The following CSNK1A1 variants were observed in gnomAD, a reference collection of about 807,000 sequenced individuals.
CSNK1A1 encodes the protein casein kinase 1 alpha 1.
In CSNK1A1, 7 loss-of-function variants were observed where a neutral mutation model predicts 46.1. The ratio of observed to expected loss-of-function variants is 0.15; its 90% CI spans 0.09 to 0.29. The LOEUF (loss-of-function observed/expected upper bound fraction) is 0.29. Among genes scored for constraint, CSNK1A1 ranks in the 10% least tolerant of loss-of-function variants. CSNK1A1 has a pLI of 1.00. For synonymous variants in CSNK1A1, 137 were observed against 141.5 expected (o/e 0.97, Z 0.23); for missense variants, 96 against 417.1 (o/e 0.23, Z 6.71).
chr5:149,544,360 T>C (rs1011440946), intron 2 of CSNK1A1, among the ~76,000 whole-genome samples: 7 of 152,074 alleles, frequency 4.6e-5, no homozygotes, highest in Non-Finnish European at 8.8e-5. Context: ...AATTTTTCGG[T>C]ATGTCATAGT....
chr5:149,501,455 C>G (rs529255751), intron 9 of CSNK1A1: 1 of 985,262 alleles, frequency 1.0e-6, no homozygotes, highest in African/African-American at 1.7e-5. Context: ...CAGAAAAAGT[C>G]AAACTAGACA....
At chr5:149,531,474 C>T (rs772533964) in intron 2 of CSNK1A1, among the ~76,000 whole-genome samples, 14 of 151,162 alleles carry the variant, frequency 9.3e-5, no homozygotes, top group South Asian at 2.1e-4. Context: ...GCCGAGATCA[C>T]GCTATTGCAC....
At chr5:149,549,829 T>C (rs1332389599) in intron 2 of CSNK1A1, among the ~76,000 whole-genome samples, 1 of 152,060 alleles carries the variant, frequency 6.6e-6, no homozygotes, top group Non-Finnish European at 1.5e-5. Context: ...TAACTGCAAA[T>C]GAAAGCCTCG....
chr5:149,509,144 G>A (rs1418683687), intron 7 of CSNK1A1, among the ~76,000 whole-genome samples: 1 of 151,952 alleles, frequency 6.6e-6, no homozygotes, highest in Non-Finnish European at 1.5e-5. Flanking sequence ...AGACTGGTCT[G>A]GAACTCCCGG....
At chr5:149,509,401 G>A (rs1412495838) in intron 7 of CSNK1A1, among the ~76,000 whole-genome samples, 4 of 152,180 alleles carry the variant, frequency 2.6e-5, no homozygotes, top group Non-Finnish European at 4.4e-5. Context: ...ATTTGAGACA[G>A]AGTCTTACTC....
chr5:149,517,692 T>G lies in CSNK1A1; in HGVS notation c.456+2598A>C. Reference sequence around the variant, plus strand: ...AAGAGGTGCTTGAGCAAGATCTACATTCTCCAGAATTAAAACAAAACAAAA... The same window carrying G: ...AAGAGGTGCTTGAGCAAGATCTACAGTCTCCAGAATTAAAACAAAACAAAA... On this transcript the variant is annotated intron_variant, in intron 4 of 9. Transcript: ENST00000377843. This position sits in a 1 kb window ranked among gnomAD's most constrained non-coding sequence, Gnocchi z 4.4. The G allele has an allele frequency of 1.3e-6, 1 of 745,754 alleles. No homozygotes were observed. The highest frequency in any genetic ancestry group is 2.7e-5 in the East Asian group (1 of 36,616). 46.2% of individuals were successfully genotyped at this position (745,754 alleles called of 1,614,324 possible).
rs1256533679 is a variant in CSNK1A1 at position 149,549,627 on chromosome 5, T to C, written c.230+448A>G. The C allele has an allele frequency of 1.2e-5, 8 of 661,502 alleles. No individual in the cohort carries two copies. In the Admixed American group the frequency reaches 1.7e-4, roughly 14 times the overall value. The allele number at this position is 661,502 out of a possible 1,614,324, so 41.0% of individuals were successfully genotyped here. On this transcript the variant is annotated intron_variant, in intron 2 of 9. Transcript: ENST00000377843. ...TTCTAAGCGGAGGAGGAAGACATGT[T>C]GGAACAAAAACACAACAAAAGAGCA...
chr5:149,497,081 G>A (rs1309456284), intron 9 of CSNK1A1: 1 of 1,335,154 alleles, frequency 7.5e-7, no homozygotes, highest in South Asian at 2.0e-5. Flanking sequence ...GGAAGGAGTG[G>A]TACAGTGAAT....
At chr5:149,528,304 G>T (rs572279503) in intron 2 of CSNK1A1, among the ~76,000 whole-genome samples, 1 of 152,300 alleles carries the variant, frequency 6.6e-6, no homozygotes, top group South Asian at 2.1e-4. Flanking sequence ...TTTACCTTGT[G>T]GAGCAACCAT....
chr5:149,511,658 A>G (rs562054554), intron 6 of CSNK1A1, 136 bp downstream of exon 6: 1 of 639,118 alleles, frequency 1.6e-6, no homozygotes, highest in African/African-American at 1.9e-5. Flanking sequence ...TAAAAGGTAA[A>G]AAGTAAATTA....
intron 4 of CSNK1A1, among the ~76,000 whole-genome samples, chr5:149,519,713 C>T (rs1450557190): frequency 1.3e-5 from 2 of 152,120 alleles, no homozygotes; most frequent in Non-Finnish European, 2.9e-5. Context: ...GGAGAACTCA[C>T]CCAATTTGGC....
intron 9 of CSNK1A1, chr5:149,502,769 C>A: frequency 1.0e-6 from 1 of 968,144 alleles, no homozygotes; most frequent in Non-Finnish European, 1.2e-6. Flanking sequence ...TGTATGAGTT[C>A]CTTTTTTTTT....
intron 3 of CSNK1A1, among the ~76,000 whole-genome samples, chr5:149,521,297 G>T: frequency 6.9e-6 from 1 of 145,938 alleles, no homozygotes. Flanking sequence ...TTTGAGACAG[G>T]GTCTCACTGT....
intron 4 of CSNK1A1, among the ~76,000 whole-genome samples, chr5:149,513,899 T>TA (rs34713303): frequency 0.28 from 40,387 of 142,112 alleles, 6,105 homozygotes; most frequent in East Asian, 0.62. Flanking sequence ...AACTCTTTCT[T>TA]AAAAAAAAAA....
chr5:149,528,291 CAT>C (rs1234808877), intron 2 of CSNK1A1, among the ~76,000 whole-genome samples: 1 of 152,166 alleles, frequency 6.6e-6, no homozygotes, highest in African/African-American at 2.4e-5. Flanking sequence ...GTCTCAAAGG[CAT>C]TTTACCTTGT....
At chr5:149,530,739 G>A (rs543343111) in intron 2 of CSNK1A1, among the ~76,000 whole-genome samples, 221 of 152,152 alleles carry the variant, frequency 1.5e-3, no homozygotes, top group Middle Eastern at 0.01. Flanking sequence ...AAGCCGAGGC[G>A]GGCGGATCAT....
intron 3 of CSNK1A1, 118 bp downstream of exon 3, chr5:149,524,927 C>T: frequency 1.2e-6 from 1 of 832,420 alleles, no homozygotes. Context: ...TATTTTTTTT[C>T]TGCCTATGCT....
chr5:149,505,423 G>A, intron 9 of CSNK1A1, 24 bp downstream of exon 9: 2 of 1,596,148 alleles, frequency 1.3e-6, no homozygotes, highest in Non-Finnish European at 1.7e-6. Context: ...TCCCTGTAAC[G>A]TCACTTGGTT....
At chr5:149,507,628 A>G (rs1201689140) in intron 7 of CSNK1A1, among the ~76,000 whole-genome samples, 3 of 151,840 alleles carry the variant, frequency 2.0e-5, no homozygotes, top group Non-Finnish European at 4.4e-5. Flanking sequence ...CGCCCAGCTA[A>G]TTTTTTGTAT....
Sources: gnomAD v4.1 joint callset for allele counts (sites outside exome capture counted in the v4.1 genomes callset) on GRCh38, gnomAD v4.1.1 for gene constraint, Gnocchi (gnomAD v3.1) non-coding constraint, MANE v1.5 for transcripts, NCBI Gene and HGNC (gene_info 2026-07-23, HGNC 2026-07-21) for gene names.